The following CUL2 variants were observed in gnomAD, a reference collection of about 807,000 sequenced individuals.
CUL2 encodes cullin 2, also known as cullin-2.
Under a neutral mutation model 110.2 loss-of-function variants are expected in CUL2, and 22 were observed. That is an observed-to-expected ratio of 0.20 (90% CI 0.14 to 0.28). The LOEUF (loss-of-function observed/expected upper bound fraction) is 0.28. Ranked by LOEUF, CUL2 falls within the 10% of genes least tolerant of loss-of-function variation. CUL2 has a pLI of 1.00. For missense variants in CUL2, 631 were observed against 905.5 expected, an observed-to-expected ratio of 0.70 and a Z score of 3.89; for synonymous variants, 279 against 293.2, an observed-to-expected ratio of 0.95 and a Z score of 0.49.
chr10:35,070,258 C>T (rs1489865327), intron 2 of CUL2, among the ~76,000 whole-genome samples: 1 of 152,120 alleles, frequency 6.6e-6, no homozygotes, highest in Non-Finnish European at 1.5e-5. Context: ...ATCTTCAGTG[C>T]CCAGAACATA....
intron 4 of CUL2, among the ~76,000 whole-genome samples, chr10:35,055,007 TG>T (rs1296009237): frequency 6.6e-6 from 1 of 152,210 alleles, no homozygotes; most frequent in Non-Finnish European, 1.5e-5. Flanking sequence ...ATAGTAAGTA[TG>T]GGCAAGATTG....
intron 2 of CUL2, among the ~76,000 whole-genome samples, chr10:35,066,925 C>T (rs1185741063): frequency 6.6e-6 from 1 of 152,146 alleles, no homozygotes; most frequent in Non-Finnish European, 1.5e-5. Context: ...GATACAGGTA[C>T]TTGCCTCAAT....
chr10:35,093,847 T>C (rs1005751471), upstream of CUL2, among the ~76,000 whole-genome samples: 5 of 152,208 alleles, frequency 3.3e-5, no homozygotes, highest in South Asian at 6.2e-4. Flanking sequence ...AATCAAATAT[T>C]TAGAGAGTTG....
At chr10:35,112,462 T>C (rs1001185888) in intron 1 of CUL2, among the ~76,000 whole-genome samples, 6 of 152,198 alleles carry the variant, frequency 3.9e-5, no homozygotes, top group Admixed American at 3.9e-4. Context: ...AGACAGAGCA[T>C]GGCTCTCTGG....
chr10:35,052,881 C>T (rs1252308135), intron 5 of CUL2, among the ~76,000 whole-genome samples: 3 of 142,288 alleles, frequency 2.1e-5, no homozygotes, highest in Non-Finnish European at 3.0e-5. Flanking sequence ...GGTGACACAG[C>T]GAGACTCCGT....
chr10:35,042,681 G>C (rs1564716166), intron 8 of CUL2, among the ~76,000 whole-genome samples: 1 of 152,128 alleles, frequency 6.6e-6, no homozygotes. Context: ...GGTGATTTCA[G>C]ACCTTCCCTT....
intron 17 of CUL2, 133 bp downstream of exon 17, chr10:35,024,999 T>C (rs996647697): frequency 2.4e-6 from 3 of 1,239,748 alleles, no homozygotes; most frequent in African/African-American, 3.1e-5. Flanking sequence ...TCATTGTTAG[T>C]TGCTTTAATG....
rs376255923 is a variant in CUL2 at position 35,085,724 on chromosome 10, AG to A, written c.-23+4454del. 5.9e-3 allele frequency among the ~76,000 whole-genome samples: 896 copies of A among 151,526 alleles called. 11 individuals carry two copies. Among genetic ancestry groups the A allele is most frequent in the African/African-American group, 0.021 (848 of 41,274 alleles). ...AAAAAAAAAAAAAAAAAAAACTGAT[AG>A]TGCATATGAAACATTGCTTTCAATC... On this transcript the variant is annotated intron_variant, in intron 1 of 20. Transcript: ENST00000374749.
Position 35,031,177 on chromosome 10 carries a change from T to G in CUL2, c.1386+123A>C. 3.2e-6 allele frequency: 2 copies of G among 616,518 alleles called. No homozygotes were observed. Among genetic ancestry groups the G allele is most frequent in the Admixed American group, 6.6e-5 (2 of 30,408 alleles). The allele number at this position is 616,518 out of a possible 1,614,324, so 38.2% of individuals were successfully genotyped here. A position where few individuals can be genotyped will look rare whatever the true frequency, so the allele number is the denominator to read the frequency against. ...GTATTTGTATATCCCACTGTGTGAC[T>G]ACACAAATACACATTTAACCAGATG... On this transcript the variant is annotated intron_variant, in intron 14 of 20. Transcript: ENST00000374749. This position sits in a 1 kb window ranked among gnomAD's most constrained non-coding sequence, Gnocchi z 4.4.
intron 1 of CUL2, among the ~76,000 whole-genome samples, chr10:35,108,388 T>C (rs1208551384): frequency 1.3e-5 from 2 of 150,544 alleles, no homozygotes; most frequent in African/African-American, 2.4e-5. Flanking sequence ...GCCCAGGAGG[T>C]TGAGGCTGCA....
At chr10:35,016,056 G>A in intron 18 of CUL2, 136 bp downstream of exon 18, 3 of 690,724 alleles carry the variant, frequency 4.3e-6, no homozygotes, top group Non-Finnish European at 7.3e-6. Flanking sequence ...GCTCTATGGA[G>A]CGTACAGTAA....
upstream of CUL2, among the ~76,000 whole-genome samples, chr10:35,095,042 A>G (rs576063246): frequency 6.6e-5 from 10 of 152,254 alleles, no homozygotes; most frequent in Admixed American, 5.2e-4. Flanking sequence ...TTGGCGGGGC[A>G]CAATGGCTCA....
chr10:35,092,992 A>G (rs1402340546), upstream of CUL2, among the ~76,000 whole-genome samples: 2 of 152,074 alleles, frequency 1.3e-5, no homozygotes, highest in African/African-American at 4.8e-5. Context: ...AGTATTGTAC[A>G]ACTTTAGATT....
intron 8 of CUL2, among the ~76,000 whole-genome samples, chr10:35,043,412 C>A (rs535827077): frequency 2.4e-4 from 36 of 152,234 alleles, no homozygotes; most frequent in African/African-American, 8.4e-4. Context: ...GGGGACAGAG[C>A]TAACTAGTAA....
intron 5 of CUL2, among the ~76,000 whole-genome samples, chr10:35,050,337 A>C (rs1192569801): frequency 6.6e-6 from 1 of 152,106 alleles, no homozygotes. Flanking sequence ...AAAAAAAAAA[A>C]ACTTAATTTT....
Position 35,010,192 on chromosome 10 carries a change from C to G in CUL2, c.*119G>C. 9.5e-7 allele frequency: 1 copy of G among 1,055,166 alleles called. No individual in the cohort carries two copies. Among genetic ancestry groups the G allele is most frequent in the East Asian group, 3.1e-5 (1 of 32,240 alleles). 65.4% of individuals were successfully genotyped at this position (1,055,166 alleles called of 1,614,324 possible). On this transcript the variant is annotated 3_prime_UTR_variant, in exon 21 of 21. Transcript: ENST00000374749. ...GTGGCACTGGTGATGTTGTAAACAG[C>G]AGAAAACAGGGGCTGCCAAATGACC...
At chr10:35,066,180 TGA>T (rs1369655674) in intron 2 of CUL2, among the ~76,000 whole-genome samples, 1 of 151,962 alleles carries the variant, frequency 6.6e-6, no homozygotes, top group Non-Finnish European at 1.5e-5. Context: ...TCAAAAACAA[TGA>T]GAGTTTTGCA....
At chr10:35,059,453 A>G (rs1412077061) in intron 4 of CUL2, among the ~76,000 whole-genome samples, 1 of 132,740 alleles carries the variant, frequency 7.5e-6, no homozygotes, top group Admixed American at 7.3e-5. Context: ...CAAATGATCA[A>G]CAGCATTTTT....
intron 1 of CUL2, among the ~76,000 whole-genome samples, chr10:35,074,819 TTTA>T (rs1172473654): frequency 3.3e-5 from 5 of 152,174 alleles, no homozygotes; most frequent in African/African-American, 1.2e-4. Context: ...TCTTGGACCA[TTTA>T]AGCTAGGTAA....
Sources: allele counts gnomAD v4.1 joint callset (sites outside exome capture counted in the v4.1 genomes callset), GRCh38; gene constraint gnomAD v4.1.1; non-coding constraint Gnocchi (gnomAD v3.1); transcripts MANE v1.5; gene names NCBI Gene and HGNC (gene_info 2026-07-23, HGNC 2026-07-21).